The following KIF16B variants were observed in gnomAD, a reference collection of about 807,000 sequenced individuals.
KIF16B encodes kinesin family member 16B.
Under a neutral mutation model 156.3 loss-of-function variants are expected in KIF16B, and 98 were observed. The observed-to-expected ratio is 0.63, with a 90% confidence interval of 0.53 to 0.74. The LOEUF is 0.74. KIF16B is among the 30% of genes least tolerant of loss of function. The probability of loss-of-function intolerance (pLI) is 0.00; values close to 1 mark genes in which losing one functional copy is unlikely to be tolerated. For synonymous variants in KIF16B, 564 were observed against 583.7 expected (o/e 0.97, Z 0.49); for missense variants, 1,421 against 1,606.5 (o/e 0.88, Z 1.97).
At chr20:16,343,415 A>C (rs1490299595) in intron 23 of KIF16B, among the ~76,000 whole-genome samples, 1 of 152,220 alleles carries the variant, frequency 6.6e-6, no homozygotes, top group African/African-American at 2.4e-5. Flanking sequence ...TTTTTCATTC[A>C]AGGAATCATA....
intron 1 of KIF16B, among the ~76,000 whole-genome samples, chr20:16,541,760 G>T (rs577385866): frequency 2.0e-5 from 3 of 152,252 alleles, no homozygotes; most frequent in African/African-American, 7.2e-5. Flanking sequence ...GGCCCAGGCA[G>T]AGGGAGAAGT....
chr20:16,464,819 C>T (rs2067442482), intron 12 of KIF16B, among the ~76,000 whole-genome samples: 1 of 152,144 alleles, frequency 6.6e-6, no homozygotes, highest in African/African-American at 2.4e-5. Flanking sequence ...ATCCCAACCG[C>T]CTAAAAGTGT....
intron 15 of KIF16B, among the ~76,000 whole-genome samples, chr20:16,409,962 T>TGTAGGTAC (rs2065880127): frequency 3.3e-5 from 1 of 30,356 alleles, no homozygotes; most frequent in African/African-American, 1.3e-4. Flanking sequence ...TATATATATA[T>TGTAGGTAC]ATATATACAT....
chr20:16,562,680 G>C (rs1297729666), intron 1 of KIF16B, among the ~76,000 whole-genome samples: 1 of 152,240 alleles, frequency 6.6e-6, no homozygotes, highest in African/African-American at 2.4e-5. Flanking sequence ...CACGGTGACT[G>C]GCTCTCAGAG....
At chr20:16,474,174 C>G (rs1365448828) in intron 12 of KIF16B, among the ~76,000 whole-genome samples, 4 of 152,184 alleles carry the variant, frequency 2.6e-5, no homozygotes, top group Non-Finnish European at 5.9e-5. Context: ...CTCTGAACCC[C>G]TCCTGACATC....
At chr20:16,481,361 AT>A (rs1433733143) in intron 12 of KIF16B, among the ~76,000 whole-genome samples, 4 of 151,860 alleles carry the variant, frequency 2.6e-5, no homozygotes, top group South Asian at 2.1e-4. Context: ...TGTCTGGTTA[AT>A]TTTTTTTCTG....
At chr20:16,370,112 T>G (rs2064780611) in intron 22 of KIF16B, among the ~76,000 whole-genome samples, 1 of 152,296 alleles carries the variant, frequency 6.6e-6, no homozygotes, top group South Asian at 2.1e-4. Context: ...TGCCTCTCAG[T>G]GGAGGAGAAT....
At chr20:16,282,391 C>T (rs1006280620) in intron 25 of KIF16B, among the ~76,000 whole-genome samples, 15 of 152,120 alleles carry the variant, frequency 9.9e-5, no homozygotes, top group African/African-American at 3.6e-4. Flanking sequence ...CACAGTCCTG[C>T]CTGCCTGGGA....
chr20:16,404,362 T>G (rs1047662517), intron 17 of KIF16B, among the ~76,000 whole-genome samples: 2 of 152,178 alleles, frequency 1.3e-5, no homozygotes, highest in Non-Finnish European at 2.9e-5. Context: ...TCATTTGTGC[T>G]CTCAGCAGTC....
At chr20:16,505,597 G>A in intron 9 of KIF16B, 125 bp downstream of exon 9, 1 of 850,810 alleles carries the variant, frequency 1.2e-6, no homozygotes, top group Non-Finnish European at 1.8e-6. Flanking sequence ...CCTCAAGATA[G>A]AAAAACCATT....
intron 12 of KIF16B, among the ~76,000 whole-genome samples, chr20:16,478,878 C>T (rs2097859039): frequency 6.6e-6 from 1 of 152,168 alleles, no homozygotes; most frequent in East Asian, 1.9e-4. Context: ...CACTAGGGGT[C>T]TTGAAATGTA....
At chr20:16,432,829 C>T (rs567182841) in intron 12 of KIF16B, among the ~76,000 whole-genome samples, 26 of 152,230 alleles carry the variant, frequency 1.7e-4, no homozygotes, top group African/African-American at 5.1e-4. Context: ...TAAATAGATA[C>T]GCAGAGAAAA....
intron 12 of KIF16B, among the ~76,000 whole-genome samples, chr20:16,434,592 G>A (rs1181220114): frequency 6.6e-6 from 1 of 152,154 alleles, no homozygotes; most frequent in Non-Finnish European, 1.5e-5. Context: ...TCTGCCCCAC[G>A]TAAATTAAGA....
intron 17 of KIF16B, among the ~76,000 whole-genome samples, chr20:16,387,472 G>C (rs911563480): frequency 2.0e-5 from 3 of 152,128 alleles, no homozygotes; most frequent in African/African-American, 7.2e-5. Flanking sequence ...GGAGATGAGG[G>C]ACTTAATTGG....
intron 12 of KIF16B, among the ~76,000 whole-genome samples, chr20:16,452,684 A>C (rs998780880): frequency 2.6e-5 from 4 of 151,908 alleles, no homozygotes; most frequent in Non-Finnish European, 5.9e-5. Context: ...AAATACAAAA[A>C]ATTAGCTGGG....
Position 16,427,104 on chromosome 20 carries a change from C to T in KIF16B, c.1612G>A (p.Gly538Ser), listed in dbSNP as rs151265027. ...ACCTGTGAAAATTAAAACCAGATAC[C>T]TTGATTTAGATGTGTGGCCTCCACG... ...QIVEATHLNQ[G>S]AVILLGRTNM... The change falls in exon 15 of 26, where the codon GGT (glycine) becomes AGT (serine). Residue 538 changes from glycine to serine, a missense_variant and splice_region_variant. Gly to Ser is a moderately conservative substitution (Grantham distance 56). Transcript: ENST00000354981. 3.8e-6 allele frequency: 6 copies of T among 1,595,584 alleles called. No homozygotes were observed. In the African/African-American group the frequency reaches 6.7e-5, roughly 18 times the overall value.
chr20:16,417,301 G>C (rs116121928), intron 15 of KIF16B, among the ~76,000 whole-genome samples: 3,201 of 152,232 alleles, frequency 0.021, 111 homozygotes, highest in African/African-American at 0.074. Flanking sequence ...ACAGGTCCCA[G>C]CCTGGCCAAC....
chr20:16,421,749 C>T (rs2066231590), intron 15 of KIF16B, among the ~76,000 whole-genome samples: 1 of 152,142 alleles, frequency 6.6e-6, no homozygotes. Context: ...TTTACATTCA[C>T]TGCACAGCGT....
chr20:16,557,880 C>T (rs559508775), intron 1 of KIF16B, among the ~76,000 whole-genome samples: 12 of 152,274 alleles, frequency 7.9e-5, no homozygotes, highest in South Asian at 2.1e-4. Flanking sequence ...ACTTGGTACA[C>T]GCCAAGCACA....
Sources: allele counts gnomAD v4.1 joint callset (sites outside exome capture counted in the v4.1 genomes callset), GRCh38; gene constraint gnomAD v4.1.1; transcripts MANE v1.5; gene names NCBI Gene and HGNC (gene_info 2026-07-23, HGNC 2026-07-21).